The following CACNA2D3 variants were observed in gnomAD, a reference collection of about 807,000 sequenced individuals.
The protein encoded by CACNA2D3 is calcium voltage-gated channel auxiliary subunit alpha2delta 3.
Under a neutral mutation model 160.6 loss-of-function variants are expected in CACNA2D3, and 60 were observed. The observed-to-expected ratio is 0.37, with a 90% CI of 0.30 to 0.46. The LOEUF is 0.46. CACNA2D3 is among the 20% of genes least tolerant of loss of function. CACNA2D3 has a pLI of 1.00. For synonymous variants in CACNA2D3, 558 were observed against 492.9 expected, an observed-to-expected ratio of 1.13 and a Z score of -1.75; for missense variants, 1,205 against 1,365.0, an observed-to-expected ratio of 0.88 and a Z score of 1.85.
chr3:54,877,875 AT>A (rs1699699960), intron 18 of CACNA2D3, among the ~76,000 whole-genome samples: 1 of 152,152 alleles, frequency 6.6e-6, no homozygotes, highest in African/African-American at 2.4e-5. Context: ...TTAAAGATAA[AT>A]CGAGCCGTTC....
chr3:54,302,942 G>A (rs1232815934), intron 2 of CACNA2D3, among the ~76,000 whole-genome samples: 1 of 151,950 alleles, frequency 6.6e-6, no homozygotes, highest in African/African-American at 2.4e-5. Flanking sequence ...AGGATCCTCC[G>A]AGTGTAAGGT....
chr3:54,168,059 C>T (rs1386767845), intron 2 of CACNA2D3, among the ~76,000 whole-genome samples: 2 of 152,056 alleles, frequency 1.3e-5, no homozygotes, highest in South Asian at 2.1e-4. Flanking sequence ...CTATTTTTGT[C>T]TACATTTTTC....
intron 2 of CACNA2D3, among the ~76,000 whole-genome samples, chr3:54,219,875 G>A (rs1701533874): frequency 1.3e-5 from 2 of 151,922 alleles, no homozygotes; most frequent in African/African-American, 4.8e-5. Context: ...CAAGGTGGTG[G>A]CAATTAATTA....
chr3:54,999,518 C>G (rs1327308624), intron 31 of CACNA2D3, among the ~76,000 whole-genome samples: 1 of 152,168 alleles, frequency 6.6e-6, no homozygotes, highest in Non-Finnish European at 1.5e-5. Context: ...TGATAGGTCT[C>G]TATGTCTAAT....
chr3:54,471,054 G>C (rs1366463653), intron 4 of CACNA2D3, among the ~76,000 whole-genome samples: 1 of 152,152 alleles, frequency 6.6e-6, no homozygotes. Flanking sequence ...TCTGGAACAA[G>C]CAGACCTAAT....
intron 8 of CACNA2D3, among the ~76,000 whole-genome samples, chr3:54,578,154 G>T (rs544890259): frequency 6.6e-6 from 1 of 152,226 alleles, no homozygotes; most frequent in East Asian, 1.9e-4. Flanking sequence ...ACGTCTTTAG[G>T]GTTCAATCCT....
rs1004034823 is a variant in CACNA2D3 at position 54,962,055 on chromosome 3, A to G, written c.2450-6395A>G. Reference sequence around the variant, plus strand: ...ACCAGTCCCACTCTCATGATAACTCATTAATCCATTAACCCATTAATCTAT... The same window carrying G: ...ACCAGTCCCACTCTCATGATAACTCGTTAATCCATTAACCCATTAATCTAT... On this transcript the variant is annotated intron_variant, in intron 27 of 37. Transcript: ENST00000474759. 5.2e-4 allele frequency among the ~76,000 whole-genome samples: 79 copies of G among 152,086 alleles called. 1 individual carries two copies. The highest frequency in any genetic ancestry group is 5.9e-4 in the Admixed American group (9 of 15,258).
intron 2 of CACNA2D3, among the ~76,000 whole-genome samples, chr3:54,290,474 G>T (rs1026493920): frequency 2.0e-5 from 3 of 152,050 alleles, no homozygotes; most frequent in Non-Finnish European, 4.4e-5. Flanking sequence ...CTGTAAACTA[G>T]TTCAACCATT....
chr3:54,611,339 C>T (rs1698745531), intron 9 of CACNA2D3, among the ~76,000 whole-genome samples: 1 of 152,182 alleles, frequency 6.6e-6, no homozygotes, highest in Admixed American at 6.5e-5. Context: ...TTATTTGAAT[C>T]ATCTTGGCTA....
At chr3:55,027,131 T>A (rs1231628341) in intron 35 of CACNA2D3, among the ~76,000 whole-genome samples, 1 of 152,230 alleles carries the variant, frequency 6.6e-6, no homozygotes, top group African/African-American at 2.4e-5. Flanking sequence ...AATTTAAGAC[T>A]ACTTTTATTC....
chr3:54,605,477 A>T (rs1459677844), intron 9 of CACNA2D3, among the ~76,000 whole-genome samples: 1 of 152,068 alleles, frequency 6.6e-6, no homozygotes, highest in Non-Finnish European at 1.5e-5. Flanking sequence ...CCAGCCAAGG[A>T]CTTGCCTCGA....
intron 13 of CACNA2D3, among the ~76,000 whole-genome samples, chr3:54,785,938 G>C (rs1702633068): frequency 6.6e-6 from 1 of 152,000 alleles, no homozygotes; most frequent in African/African-American, 2.4e-5. Context: ...GTGATCTTTT[G>C]GGTTCACTCT....
In CACNA2D3 at chr3:54,421,631, G is replaced by A. The variant is rs931647416; in HGVS notation, c.381+34857G>A. ...GGACTCCACAGAGGGGTGGGGCAGC[G>A]GTTGTTGTCATATTTGCTTTTTCTG... On this transcript the variant is annotated intron_variant, in intron 4 of 37. Transcript: ENST00000474759. Among the ~76,000 whole-genome samples, 4 of 152,180 alleles carry A rather than the reference G, an allele frequency of 2.6e-5. No individual in the cohort carries two copies. In the East Asian group the frequency reaches 5.8e-4, roughly 22 times the overall value.
chr3:54,386,268 A>G (rs1575427011), intron 3 of CACNA2D3, among the ~76,000 whole-genome samples: 1 of 152,234 alleles, frequency 6.6e-6, no homozygotes, highest in Non-Finnish European at 1.5e-5. Flanking sequence ...ACCTTGAATG[A>G]TTGAGGGAAT....
At chr3:54,681,677 T>G (rs1323157316) in intron 11 of CACNA2D3, among the ~76,000 whole-genome samples, 1 of 152,098 alleles carries the variant, frequency 6.6e-6, no homozygotes, top group East Asian at 1.9e-4. Context: ...GTCTATGTGA[T>G]GCAAGTTTTT....
At chr3:55,006,741 G>A (rs1337200039) in intron 32 of CACNA2D3, among the ~76,000 whole-genome samples, 2 of 152,048 alleles carry the variant, frequency 1.3e-5, no homozygotes, top group South Asian at 2.1e-4. Flanking sequence ...CTTTCTGGCC[G>A]GACTGGGAAA....
chr3:54,378,952 T>C (rs748557104), intron 3 of CACNA2D3, among the ~76,000 whole-genome samples: 5 of 152,234 alleles, frequency 3.3e-5, no homozygotes, highest in Non-Finnish European at 7.3e-5. Context: ...CAGCCTCAAA[T>C]TGATAACAGG....
intron 3 of CACNA2D3, among the ~76,000 whole-genome samples, chr3:54,360,995 AAAG>A (rs1202708260): frequency 6.6e-6 from 1 of 152,100 alleles, no homozygotes; most frequent in African/African-American, 2.4e-5. Flanking sequence ...AAATTTCAAA[AAAG>A]AAGAAGACCT....
chr3:54,645,672 T>C (rs1228413372), intron 11 of CACNA2D3, among the ~76,000 whole-genome samples: 1 of 152,172 alleles, frequency 6.6e-6, no homozygotes, highest in African/African-American at 2.4e-5. Flanking sequence ...TTCCCTTCTC[T>C]TAGGTTTGCC....
Sources: allele counts gnomAD v4.1 joint callset (sites outside exome capture counted in the v4.1 genomes callset), GRCh38; gene constraint gnomAD v4.1.1; transcripts MANE v1.5; gene names NCBI Gene and HGNC (gene_info 2026-07-23, HGNC 2026-07-21).